Variants in DBX1 observed in about 807,000 individuals in gnomAD.
The protein encoded by DBX1 is developing brain homeobox 1, also known as homeobox protein DBX1.
In DBX1, 10 loss-of-function variants were observed where a neutral mutation model predicts 20.8. The ratio of observed to expected loss-of-function variants is 0.48; its 90% confidence interval spans 0.30 to 0.82. The LOEUF is 0.82. DBX1 is among the 40% of genes least tolerant of loss of function. The pLI, the probability that DBX1 is intolerant of heterozygous loss-of-function variation, is 0.07. For missense variants in DBX1, 505 were observed against 468.8 expected (o/e 1.08, Z -0.71); for synonymous variants, 241 against 213.9 (o/e 1.13, Z -1.11).
chr11:20,159,082 G>T, intron 2 of DBX1, 109 bp downstream of exon 2: 1 of 779,798 alleles, frequency 1.3e-6, no homozygotes, highest in Non-Finnish European at 2.2e-6. Context: ...CTCTGAACCA[G>T]AGCATAACCC....
At position 20,157,052 on chromosome 11, in the gene DBX1, G is replaced by A; in HGVS notation, c.657C>T (p.Gly219=). The change falls in exon 3 of 4, where the codon GGC becomes GGT. Residue 219 remains glycine, a synonymous_variant. Transcript: ENST00000524983. ...ATGCGCTCACCTGCGAGTCTTTCAG[G>A]CCCAGCTTGGCCGCCAGCTTCTTGC... ...PDRKKLAAKL[G]LKDSQVKIWF... is the part of the protein sequence containing the mutation. The A allele has an allele frequency of 6.2e-7, 1 of 1,613,940 alleles. No homozygotes were observed. The highest frequency in any genetic ancestry group is 1.3e-5 in the African/African-American group (1 of 75,062).
At position 20,156,988 on chromosome 11, in the gene DBX1, G is replaced by C; in HGVS notation, c.672+49C>G. Reference sequence around the variant, plus strand: ...TTGCAATTGACGGGTGCGCCGGGGAGGGGTGAAGGGCGGGGGCGGGGGGGG... The same window carrying C: ...TTGCAATTGACGGGTGCGCCGGGGACGGGTGAAGGGCGGGGGCGGGGGGGG... On this transcript the variant is annotated intron_variant, in intron 3 of 3. Coordinates refer to ENST00000524983, the MANE Select transcript of DBX1 (RefSeq NM_001029865.4). The surrounding 1 kb of genome is among the most constrained non-coding windows in gnomAD (Gnocchi z 4.8). The C allele has an allele frequency of 6.4e-7, 1 of 1,566,074 alleles. No homozygotes were observed. Among genetic ancestry groups the C allele is most frequent in the Non-Finnish European group, 8.7e-7 (1 of 1,150,364 alleles).
At chr11:20,159,342 T>A in intron 1 of DBX1, 50 bp from the exon 2 acceptor site, 1 of 1,256,482 alleles carries the variant, frequency 8.0e-7, no homozygotes, top group Non-Finnish European at 1.2e-6. Flanking sequence ...ACAGAAAGAA[T>A]CTGATTACGT....
intron 2 of DBX1, 47 bp downstream of exon 2, chr11:20,159,144 G>C (rs985296331): frequency 1.5e-6 from 2 of 1,358,598 alleles, no homozygotes. Context: ...ATGGGCCGGG[G>C]CTGGGGCGCC....
Position 20,156,535 on chromosome 11 carries a change from C to T in DBX1, c.711G>A (p.Arg237=). The change falls in exon 4 of 4, where the codon CGG becomes CGA. Residue 237 remains arginine, a synonymous_variant. Transcript: ENST00000524983. The surrounding 1 kb of genome is among the most constrained non-coding windows in gnomAD (Gnocchi z 4.8). ...ACAGGAGTTCGCGCTCCTTGGAGTTCCGCCATTTCATGCGTCGGTTCTGGA... is the reference window on the plus strand; with the variant it reads ...ACAGGAGTTCGCGCTCCTTGGAGTTTCGCCATTTCATGCGTCGGTTCTGGA... ...IWFQNRRMKW[R]NSKERELLSS... 1 of 1,614,048 alleles carries T rather than the reference C, an allele frequency of 6.2e-7. No individual in the cohort carries two copies.
chr11:20,157,434 G>A (rs1001186326), intron 2 of DBX1, among the ~76,000 whole-genome samples, 195 bp from the exon 3 acceptor site: 1 of 152,160 alleles, frequency 6.6e-6, no homozygotes, highest in Non-Finnish European at 1.5e-5. Flanking sequence ...CCTTTCAACC[G>A]TGCAAACCCG....
In DBX1 at chr11:20,160,415, T is replaced by G. The variant is rs79815536; in HGVS notation, c.-91A>C. The G allele has an allele frequency of 0.026, 36,050 of 1,391,886 alleles. 1,114 individuals carry two copies. The highest frequency in any genetic ancestry group is 0.14 in the East Asian group (5,230 of 37,228). 86.2% of individuals were successfully genotyped at this position (1,391,886 alleles called of 1,614,324 possible). ...CCCCTCCCGCCCCCACAGTGTCCTC[T>G]CTCTTGGGCTTAGCAAACGTCTCCA... On this transcript the variant is annotated 5_prime_UTR_variant, in exon 1 of 4. Coordinates refer to ENST00000524983, the MANE Select transcript of DBX1 (RefSeq NM_001029865.4).
Position 20,160,294 on chromosome 11 carries a change from C to CG in DBX1, c.30dup (p.Ala11ArgfsTer5), listed in dbSNP as rs750016702. 3.9e-6 allele frequency: 6 copies of CG among 1,527,110 alleles called. No homozygotes were observed. The highest frequency in any genetic ancestry group is 1.4e-5 in the African/African-American group (1 of 72,286). 94.6% of individuals were successfully genotyped at this position (1,527,110 alleles called of 1,614,324 possible). ...GGCCGCAGGAGGCTAGGGTACCCGGCGGGGGGCGCGAGGAGGCCGGGGAAC... is the reference window on the plus strand; with the variant it reads ...GGCCGCAGGAGGCTAGGGTACCCGGCGGGGGGGCGCGAGGAGGCCGGGGAAC... On this transcript the variant is annotated frameshift_variant, in exon 1 of 4. Coordinates refer to ENST00000524983, the MANE Select transcript of DBX1 (RefSeq NM_001029865.4). LOFTEE classifies it high-confidence loss of function.
chr11:20,156,896 TACTC>T lies in DBX1; in HGVS notation c.672+137_672+140del. ...GGAGCTTCGAGGGTAGTGGCCCGTGTACTCACTCCCTCTCTAGGCCTCGGTTTTC... is the reference window on the plus strand; with the variant it reads ...GGAGCTTCGAGGGTAGTGGCCCGTGTACTCCCTCTCTAGGCCTCGGTTTTC... On this transcript the variant is annotated intron_variant, in intron 3 of 3. Transcript: ENST00000524983. This position sits in a 1 kb window ranked among gnomAD's most constrained non-coding sequence, Gnocchi z 4.8. The T allele has an allele frequency of 1.2e-6, 1 of 839,478 alleles. No individual in the cohort carries two copies. The highest frequency in any genetic ancestry group is 1.9e-6 in the Non-Finnish European group (1 of 529,066). The allele number at this position is 839,478 out of a possible 1,614,324, so 52.0% of individuals were successfully genotyped here.
Position 20,156,514 on chromosome 11 carries a change from G to A in DBX1, c.732C>T (p.Leu244=). The change falls in exon 4 of 4, where the codon CTC becomes CTT. Residue 244 remains leucine (L), a synonymous_variant. Transcript: ENST00000524983. This position sits in a 1 kb window ranked among gnomAD's most constrained non-coding sequence, Gnocchi z 4.8. ...GCTCGCGACAGCCCCCGCTAGACAG[G>A]AGTTCGCGCTCCTTGGAGTTCCGCC... ...MKWRNSKERE[L]LSSGGCREQT... The A allele has an allele frequency of 1.2e-6, 2 of 1,614,036 alleles. No homozygotes were observed. The highest frequency in any genetic ancestry group is 1.7e-6 in the Non-Finnish European group (2 of 1,180,030).
At chr11:20,159,361 A>G (rs1187268872) in intron 1 of DBX1, 69 bp from the exon 2 acceptor site, 6 of 1,026,342 alleles carry the variant, frequency 5.8e-6, no homozygotes, top group Middle Eastern at 2.1e-4. Context: ...GTACTTGCCT[A>G]TTGTATAGCA....
chr11:20,160,087 AG>A lies in DBX1; in HGVS notation c.237del (p.Ser80ArgfsTer29), dbSNP rs2063682294. 1 of 1,562,650 alleles carries A rather than the reference AG, an allele frequency of 6.4e-7. No individual in the cohort carries two copies. Among genetic ancestry groups the A allele is most frequent in the Admixed American group, 1.9e-5 (1 of 52,434 alleles). On this transcript the variant is annotated frameshift_variant, in exon 1 of 4. Transcript: ENST00000524983. LOFTEE classifies it high-confidence loss of function. The stretch of plus-strand genomic sequence containing the variant: ...CCGGGACCCGGGGAGCCCAGGTCCG[AG>A]GCCCCCGTGTCGGTGAGGGCCGTGG... Reference protein sequence around the residue: ...GAPTALTDTGASDLGSPGPGS... With the variant: ...GAPTALTDTGXSDLGSPGPGS...
At chr11:20,157,354 C>G in intron 2 of DBX1, 115 bp from the exon 3 acceptor site, 3 of 974,590 alleles carry the variant, frequency 3.1e-6, no homozygotes, top group Non-Finnish European at 4.5e-6. Context: ...CCTTTTTCTC[C>G]CCCTGGAGAA....
rs79619657 is a variant in DBX1 at position 20,159,094 on chromosome 11, G to T, written c.469+97C>A. On this transcript the variant is annotated intron_variant, in intron 2 of 3. Transcript: ENST00000524983. Reference sequence around the variant, plus strand: ...AACCTCTGAACCAGAGCATAACCCCGAGGGGTGGACGGAGAAATACGGCTT... The same window carrying T: ...AACCTCTGAACCAGAGCATAACCCCTAGGGGTGGACGGAGAAATACGGCTT... 7.7e-3 allele frequency: 6,607 copies of T among 858,674 alleles called. 312 individuals carry two copies. The African/African-American group carries it at 0.099, about 13-fold the overall frequency. 53.2% of individuals were successfully genotyped at this position (858,674 alleles called of 1,614,324 possible).
intron 2 of DBX1, among the ~76,000 whole-genome samples, chr11:20,157,616 C>T (rs986827700): frequency 3.9e-5 from 6 of 152,162 alleles, no homozygotes; most frequent in Non-Finnish European, 8.8e-5. Flanking sequence ...TGTGTTTCTC[C>T]CCTAAGCTTT....
At position 20,159,976 on chromosome 11, in the gene DBX1, A is replaced by G. The variant is rs1338578639; in HGVS notation, c.349T>C (p.Ser117Pro). The G allele has an allele frequency of 1.2e-6, 2 of 1,613,902 alleles. No individual in the cohort carries two copies. Among genetic ancestry groups the G allele is most frequent in the Non-Finnish European group, 1.7e-6 (2 of 1,179,992 alleles). Residue 117 changes from serine (S) to proline (P), a missense_variant, in exon 1 of 4, where the codon TCC (serine) becomes CCC (proline). Ser to Pro is a moderately conservative substitution (Grantham distance 74). Transcript: ENST00000524983. The stretch of plus-strand genomic sequence containing the variant: ...CGCTTACCTGTTCTGGGCCCCGAGG[A>G]GAGGATGGCGTTCACTCCAAACTTC... The part of the protein sequence containing the change: ...FLKFGVNAIL[S>P]SGPRTETSPA...
Position 20,156,522 on chromosome 11 carries a change from G to T in DBX1, c.724C>A (p.Arg242Ser). 6.2e-7 allele frequency: 1 copy of T among 1,614,020 alleles called. No homozygotes were observed. The highest frequency in any genetic ancestry group is 8.5e-7 in the Non-Finnish European group (1 of 1,180,028). ...RRMKWRNSKE[R>S]ELLSSGGCRE... Reference sequence around the variant, plus strand: ...CAGCCCCCGCTAGACAGGAGTTCGCGCTCCTTGGAGTTCCGCCATTTCATG... The same window carrying T: ...CAGCCCCCGCTAGACAGGAGTTCGCTCTCCTTGGAGTTCCGCCATTTCATG... Residue 242 changes from arginine to serine, a missense_variant, in exon 4 of 4, where the codon CGC becomes AGC. Coordinates refer to ENST00000524983, the MANE Select transcript of DBX1 (RefSeq NM_001029865.4). The surrounding 1 kb of genome is among the most constrained non-coding windows in gnomAD (Gnocchi z 4.8).
rs74872131 is a variant in DBX1 at position 20,156,745 on chromosome 11, C to T, written c.673-172G>A. 6,429 of 1,073,744 alleles carry T rather than the reference C, an allele frequency of 6.0e-3. 221 individuals are homozygous for T. The African/African-American group carries it at 0.082, about 14-fold the overall frequency. The allele number at this position is 1,073,744 out of a possible 1,614,324, so 66.5% of individuals were successfully genotyped here. On this transcript the variant is annotated intron_variant, in intron 3 of 3. Transcript: ENST00000524983. This position sits in a 1 kb window ranked among gnomAD's most constrained non-coding sequence, Gnocchi z 4.8. ...TGGATTCCCGCATTGACTCCGCCCC[C>T]GCCTCAGCTCGCGGTTCCGTTTGCC...
intron 2 of DBX1, among the ~76,000 whole-genome samples, chr11:20,158,375 A>G (rs1366789057): frequency 2.6e-5 from 4 of 152,046 alleles, no homozygotes; most frequent in East Asian, 1.9e-4. Flanking sequence ...TCTTCTCTGT[A>G]TAGGGACTCT....
Sources: allele counts gnomAD v4.1 joint callset (sites outside exome capture counted in the v4.1 genomes callset), GRCh38; gene constraint gnomAD v4.1.1; non-coding constraint Gnocchi (gnomAD v3.1); transcripts MANE v1.5; gene names NCBI Gene and HGNC (gene_info 2026-07-23, HGNC 2026-07-21).